The following KRTAP9-1 variants were observed in gnomAD, a reference collection of about 807,000 sequenced individuals.
KRTAP9-1 encodes the protein keratin-associated protein 9-1.
Under a neutral mutation model 18.4 loss-of-function variants are expected in KRTAP9-1, and 13 were observed. The ratio of observed to expected loss-of-function variants is 0.71; its 90% confidence interval spans 0.46 to 1.12. The LOEUF is 1.12. Ranked by LOEUF, KRTAP9-1 falls within the 50% of genes most tolerant of loss-of-function variation. The pLI is 0.00. For missense variants in KRTAP9-1, 310 were observed against 310.6 expected (o/e 1.00, Z 0.01); for synonymous variants, 122 against 108.8 (o/e 1.12, Z -0.75).
rs533254504 is a variant in KRTAP9-1, at chr17:41,190,249, G to T, written c.363G>T (p.Pro121=). The change falls in exon 1 of 1, where the codon CCG becomes CCT. Residue 121 remains proline (P), a synonymous_variant. Transcript: ENST00000398470. ...GTTGCTGTCAGCCTTGCTGTCACCC[G>T]ACTTGCTATCAAACTATCTGCTTCA... ...GSSCCQPCCH[P]TCYQTICFRT... 1 of 1,307,068 alleles carries T rather than the reference G, an allele frequency of 7.7e-7. No homozygotes were observed. 81.0% of individuals were successfully genotyped at this position (1,307,068 alleles called of 1,614,324 possible).
chr17:41,190,492 C>G lies in KRTAP9-1; in HGVS notation c.606C>G (p.Ser202Arg). ...QPTCGGSSCC[S>R]QTCNESSYCL... is the part of the protein sequence containing the mutation. ...CCTGTGGTGGGTCCAGCTGCTGTAG[C>G]CAAACCTGCAATGAGTCCAGCTATT... Residue 202 changes from serine to arginine, a missense_variant, in exon 1 of 1, where the codon AGC (serine) becomes AGG (arginine). Physicochemically the swap from Ser to Arg is moderately radical, Grantham distance 110 (BLOSUM62 -1). Around this residue, in one of 3 missense-constraint regions of KRTAP9-1, gnomAD observed 130 missense variants for 103.4 expected, o/e 1.26. Coordinates refer to ENST00000398470, the MANE Select transcript of KRTAP9-1 (RefSeq NM_001190460.1). 6.2e-7 allele frequency: 1 copy of G among 1,604,040 alleles called. No individual in the cohort carries two copies. Among genetic ancestry groups the G allele is most frequent in the Non-Finnish European group, 8.5e-7 (1 of 1,175,068 alleles).
chr17:41,189,922 A>ATGCTGCAGGACCACC lies in KRTAP9-1; in HGVS notation c.48_62dup (p.Cys19_Cys23dup), dbSNP rs771257360. 2 of 1,612,202 alleles carry ATGCTGCAGGACCACC rather than the reference A, an allele frequency of 1.2e-6. No individual in the cohort carries two copies. The highest frequency in any genetic ancestry group is 2.7e-5 in the African/African-American group (2 of 74,922). On this transcript the variant is annotated inframe_insertion, in exon 1 of 1. Coordinates refer to ENST00000398470, the MANE Select transcript of KRTAP9-1 (RefSeq NM_001190460.1). ...GCTGTTCCCCTTGCTGTCAGCCTAC[A>ATGCTGCAGGACCACC]TGCTGCAGGACCACCTGCTGCAGGA... is the stretch of plus-strand genomic sequence containing the variant.
chr17:41,190,581 C>T lies in KRTAP9-1; in HGVS notation c.695C>T (p.Pro232Leu), dbSNP rs759033003. The T allele has an allele frequency of 2.4e-5, 39 of 1,609,118 alleles. No homozygotes were observed. The highest frequency in any genetic ancestry group is 3.2e-5 in the Non-Finnish European group (38 of 1,177,678). ...TTCYRTTCCRPSCCCSPCCVS... is the reference protein window; with the variant it reads ...TTCYRTTCCRLSCCCSPCCVS... ...TGCTACAGGACCACCTGTTGCCGCC[C>T]CAGCTGTTGCTGCAGTCCTTGCTGT... is the stretch of plus-strand genomic sequence containing the variant. The change falls in exon 1 of 1, where the codon CCC becomes CTC. Residue 232 changes from proline to leucine, a missense_variant. Transcript: ENST00000398470.
chr17:41,190,189 T>C lies in KRTAP9-1; in HGVS notation c.303T>C (p.Cys101=). 6.6e-7 allele frequency: 1 copy of C among 1,525,224 alleles called. No homozygotes were observed. The highest frequency in any genetic ancestry group is 8.8e-7 in the Non-Finnish European group (1 of 1,134,746). The allele number at this position is 1,525,224 out of a possible 1,614,324, so 94.5% of individuals were successfully genotyped here. A position where few individuals can be genotyped will look rare whatever the true frequency, so the allele number is the denominator to read the frequency against. The change falls in exon 1 of 1, where the codon TGT becomes TGC. Residue 101 remains cysteine, a synonymous_variant. Transcript: ENST00000398470. ...CCAGCTGCTGTGGCCAAACCAGCTG[T>C]GGGTCCAGCTGCTGTCAGCCTATTT... The part of the protein sequence containing the change: ...CGSSCCGQTS[C]GSSCCQPICG...
rs776741451 is a variant in KRTAP9-1 at position 41,189,946 on chromosome 17, G to C, written c.60G>C (p.Arg20Ser). Residue 20 changes from arginine (R) to serine (S), a missense_variant, in exon 1 of 1, where the codon AGG (arginine) becomes AGC (serine). Arg to Ser is a moderately radical substitution (Grantham distance 110). This residue lies in a region of KRTAP9-1 where 178 missense variants were observed against 190.2 expected (regional missense o/e 0.94). Transcript: ENST00000398470. ...QPTCCRTTCC[R>S]TTCWKPTTVT... is the part of the protein sequence containing the mutation. The stretch of plus-strand genomic sequence containing the variant: ...CATGCTGCAGGACCACCTGCTGCAG[G>C]ACAACCTGCTGGAAGCCCACCACTG... 5.6e-6 allele frequency: 9 copies of C among 1,612,664 alleles called. No individual in the cohort carries two copies. The highest frequency in any genetic ancestry group is 7.6e-6 in the Non-Finnish European group (9 of 1,179,978).
rs2015332836 is a variant in KRTAP9-1, at chr17:41,190,196, A to G, written c.310A>G (p.Ser104Gly). 6.5e-7 allele frequency: 1 copy of G among 1,527,610 alleles called. No individual in the cohort carries two copies. The allele number at this position is 1,527,610 out of a possible 1,614,324, so 94.6% of individuals were successfully genotyped here. A position where few individuals can be genotyped will look rare whatever the true frequency, so the allele number is the denominator to read the frequency against. The change falls in exon 1 of 1, where the codon AGC becomes GGC. Residue 104 changes from serine (S) to glycine (G), a missense_variant. By Grantham distance (56) the Ser-to-Gly change is moderately conservative. Coordinates refer to ENST00000398470, the MANE Select transcript of KRTAP9-1 (RefSeq NM_001190460.1). ...SCCGQTSCGSSCCQPICGSSC... is the reference protein window; with the variant it reads ...SCCGQTSCGSGCCQPICGSSC... Reference sequence around the variant, plus strand: ...CTGTGGCCAAACCAGCTGTGGGTCCAGCTGCTGTCAGCCTATTTGTGGGTC... The same window carrying G: ...CTGTGGCCAAACCAGCTGTGGGTCCGGCTGCTGTCAGCCTATTTGTGGGTC...
In KRTAP9-1 at chr17:41,190,589, T is replaced by C; in HGVS notation, c.703T>C (p.Cys235Arg). Residue 235 changes from cysteine to arginine, a missense_variant, in exon 1 of 1, where the codon TGC (cysteine) becomes CGC (arginine). By Grantham distance (180) the Cys-to-Arg change is radical. Transcript: ENST00000398470. Reference sequence around the variant, plus strand: ...GACCACCTGTTGCCGCCCCAGCTGTTGCTGCAGTCCTTGCTGTGTCTCCAG... The same window carrying C: ...GACCACCTGTTGCCGCCCCAGCTGTCGCTGCAGTCCTTGCTGTGTCTCCAG... Reference protein sequence around the residue: ...YRTTCCRPSCCCSPCCVSSCC... With the variant: ...YRTTCCRPSCRCSPCCVSSCC... The C allele has an allele frequency of 1.2e-6, 2 of 1,608,460 alleles. No homozygotes were observed. The highest frequency in any genetic ancestry group is 2.7e-5 in the African/African-American group (2 of 74,972).
In KRTAP9-1 at chr17:41,190,264, TATCTGCTTCAGGACC is replaced by T. The variant is rs766444093; in HGVS notation, c.380_394del (p.Ile127_Thr131del). Reference sequence around the variant, plus strand: ...GCTGTCACCCGACTTGCTATCAAACTATCTGCTTCAGGACCACCTGCTGCCAGCCTACCTGCTGCC... The same window carrying T: ...GCTGTCACCCGACTTGCTATCAAACTACCTGCTGCCAGCCTACCTGCTGCC... On this transcript the variant is annotated inframe_deletion, in exon 1 of 1. Transcript: ENST00000398470. The T allele has an allele frequency of 4.8e-6, 6 of 1,248,668 alleles. No homozygotes were observed. The highest frequency in any genetic ancestry group is 1.0e-6 in the Non-Finnish European group (1 of 973,086). The allele number at this position is 1,248,668 out of a possible 1,614,324, so 77.3% of individuals were successfully genotyped here.
Position 41,190,546 on chromosome 17 carries a change from C to T in KRTAP9-1, c.660C>T (p.Cys220=), listed in dbSNP as rs779277480. 6.2e-7 allele frequency: 1 copy of T among 1,611,248 alleles called. No homozygotes were observed. Among genetic ancestry groups the T allele is most frequent in the South Asian group, 1.1e-5 (1 of 90,722 alleles). Reference sequence around the variant, plus strand: ...TGCCTTGCTGCCGTCCCACCTGCTGCCAGACCACCTGCTACAGGACCACCT... The same window carrying T: ...TGCCTTGCTGCCGTCCCACCTGCTGTCAGACCACCTGCTACAGGACCACCT... ...YCLPCCRPTC[C]QTTCYRTTCC... Residue 220 remains cysteine, a synonymous_variant, in exon 1 of 1, where the codon TGC becomes TGT. Transcript: ENST00000398470.
Position 41,190,550 on chromosome 17 carries a change from A to C in KRTAP9-1, c.664A>C (p.Thr222Pro), listed in dbSNP as rs867576204. The change falls in exon 1 of 1, where the codon ACC (threonine) becomes CCC (proline). Residue 222 changes from threonine (T) to proline (P), a missense_variant. By Grantham distance (38) the Thr-to-Pro change is conservative. Transcript: ENST00000398470. Reference protein sequence around the residue: ...LPCCRPTCCQTTCYRTTCCRP... With the variant: ...LPCCRPTCCQPTCYRTTCCRP... ...TTGCTGCCGTCCCACCTGCTGCCAGACCACCTGCTACAGGACCACCTGTTG... is the reference window on the plus strand; with the variant it reads ...TTGCTGCCGTCCCACCTGCTGCCAGCCCACCTGCTACAGGACCACCTGTTG... 1 of 1,609,558 alleles carries C rather than the reference A, an allele frequency of 6.2e-7. No individual in the cohort carries two copies. The highest frequency in any genetic ancestry group is 2.2e-5 in the East Asian group (1 of 44,734).
rs1276531700 is a variant in KRTAP9-1, at chr17:41,190,224, GTTGCTGTCAGCC to G, written c.348_359del (p.Gln116_Cys119del). On this transcript the variant is annotated inframe_deletion, in exon 1 of 1. Transcript: ENST00000398470. The stretch of plus-strand genomic sequence containing the variant: ...TGCTGTCAGCCTATTTGTGGGTCCA[GTTGCTGTCAGCC>G]TTGCTGTCACCCGACTTGCTATCAA... 29 of 1,428,554 alleles carry G rather than the reference GTTGCTGTCAGCC, an allele frequency of 2.0e-5. No individual in the cohort carries two copies. The highest frequency in any genetic ancestry group is 2.1e-5 in the Non-Finnish European group (23 of 1,088,748). The allele number at this position is 1,428,554 out of a possible 1,614,324, so 88.5% of individuals were successfully genotyped here.
At position 41,190,337 on chromosome 17, in the gene KRTAP9-1, C is replaced by A. The variant is rs745912876; in HGVS notation, c.451C>A (p.Pro151Thr). 5.6e-6 allele frequency: 8 copies of A among 1,416,058 alleles called. No homozygotes were observed. In the Admixed American group the frequency reaches 1.7e-4, roughly 30 times the overall value. 87.7% of individuals were successfully genotyped at this position (1,416,058 alleles called of 1,614,324 possible). ...PTCCRNTSCQ[P>T]TCCGSSCCQP... is the part of the protein sequence containing the mutation. ...CTGCTGCAGGAACACCTCTTGCCAG[C>A]CCACCTGCTGTGGGTCCAGCTGCTG... The change falls in exon 1 of 1, where the codon CCC becomes ACC. Residue 151 changes from proline to threonine, a missense_variant. By Grantham distance (38) the Pro-to-Thr change is conservative (BLOSUM62 -1). Coordinates refer to ENST00000398470, the MANE Select transcript of KRTAP9-1 (RefSeq NM_001190460.1).
Position 41,190,043 on chromosome 17 carries a change from C to G in KRTAP9-1, c.157C>G (p.His53Asp). The change falls in exon 1 of 1, where the codon CAC becomes GAC. Residue 53 changes from histidine (H) to aspartate (D), a missense_variant. His to Asp is a moderately conservative substitution (Grantham distance 81, BLOSUM62 -1). Transcript: ENST00000398470. ...CVPSCCQPCC[H>D]PTCCQNTCCR... Reference sequence around the variant, plus strand: ...GCCCAGCTGCTGCCAGCCTTGCTGCCACCCAACTTGCTGTCAAAACACCTG... The same window carrying G: ...GCCCAGCTGCTGCCAGCCTTGCTGCGACCCAACTTGCTGTCAAAACACCTG... The G allele has an allele frequency of 6.2e-7, 1 of 1,611,848 alleles. No homozygotes were observed.
At position 41,190,136 on chromosome 17, in the gene KRTAP9-1, C is replaced by A. The variant is rs559139055; in HGVS notation, c.250C>A (p.Pro84Thr). The change falls in exon 1 of 1, where the codon CCC becomes ACC. Residue 84 changes from proline to threonine, a missense_variant. Physicochemically the swap from Pro to Thr is conservative, Grantham distance 38. Around this residue, in one of 3 missense-constraint regions of KRTAP9-1, gnomAD observed 178 missense variants for 190.2 expected, o/e 0.94. Transcript: ENST00000398470. ...SCCQPSCCST[P>T]CCQPTCCGSS... Reference sequence around the variant, plus strand: ...CTGCCAGCCTTCCTGCTGCAGCACACCCTGCTGCCAGCCCACCTGCTGTGG... The same window carrying A: ...CTGCCAGCCTTCCTGCTGCAGCACAACCTGCTGCCAGCCCACCTGCTGTGG... The A allele has an allele frequency of 1.3e-5, 21 of 1,577,778 alleles. No individual in the cohort carries two copies. The East Asian group carries it at 4.9e-4, about 37-fold the overall frequency.
At position 41,190,164 on chromosome 17, in the gene KRTAP9-1, C is replaced by T. The variant is rs1410316311; in HGVS notation, c.278C>T (p.Ser93Phe). 1.4e-5 allele frequency: 21 copies of T among 1,554,276 alleles called. No homozygotes were observed. The highest frequency in any genetic ancestry group is 1.8e-5 in the Non-Finnish European group (21 of 1,149,932). ...TPCCQPTCCG[S>F]SCCGQTSCGS... ...TGCTGCCAGCCCACCTGCTGTGGGT[C>T]CAGCTGCTGTGGCCAAACCAGCTGT... Residue 93 changes from serine (S) to phenylalanine (F), a missense_variant, in exon 1 of 1, where the codon TCC (serine) becomes TTC (phenylalanine). Ser to Phe is a radical substitution (Grantham distance 155). Around this residue, in one of 3 missense-constraint regions of KRTAP9-1, gnomAD observed 178 missense variants for 190.2 expected, o/e 0.94. Transcript: ENST00000398470.
rs2015343404 is a variant in KRTAP9-1, at chr17:41,190,549, G to T, written c.663G>T (p.Gln221His). Reference protein sequence around the residue: ...CLPCCRPTCCQTTCYRTTCCR... With the variant: ...CLPCCRPTCCHTTCYRTTCCR... ...CTTGCTGCCGTCCCACCTGCTGCCA[G>T]ACCACCTGCTACAGGACCACCTGTT... The change falls in exon 1 of 1, where the codon CAG (glutamine) becomes CAT (histidine). Residue 221 changes from glutamine (Q) to histidine (H), a missense_variant. This residue lies in a region of KRTAP9-1 where 130 missense variants were observed against 103.4 expected (regional missense o/e 1.26). Coordinates refer to ENST00000398470, the MANE Select transcript of KRTAP9-1 (RefSeq NM_001190460.1). The T allele has an allele frequency of 6.2e-7, 1 of 1,610,706 alleles. No homozygotes were observed. Among genetic ancestry groups the T allele is most frequent in the East Asian group, 2.2e-5 (1 of 44,770 alleles).
Position 41,190,248 on chromosome 17 carries a change from C to T in KRTAP9-1, c.362C>T (p.Pro121Leu), listed in dbSNP as rs770941967. 2.3e-5 allele frequency: 32 copies of T among 1,380,116 alleles called. No homozygotes were observed. The highest frequency in any genetic ancestry group is 1.2e-4 in the East Asian group (4 of 33,174). 85.5% of individuals were successfully genotyped at this position (1,380,116 alleles called of 1,614,324 possible). ...GSSCCQPCCHPTCYQTICFRT... is the reference protein window; with the variant it reads ...GSSCCQPCCHLTCYQTICFRT... Reference sequence around the variant, plus strand: ...AGTTGCTGTCAGCCTTGCTGTCACCCGACTTGCTATCAAACTATCTGCTTC... The same window carrying T: ...AGTTGCTGTCAGCCTTGCTGTCACCTGACTTGCTATCAAACTATCTGCTTC... The change falls in exon 1 of 1, where the codon CCG becomes CTG. Residue 121 changes from proline to leucine, a missense_variant. This residue lies in a region of KRTAP9-1 where 178 missense variants were observed against 190.2 expected (regional missense o/e 0.94). Coordinates refer to ENST00000398470, the MANE Select transcript of KRTAP9-1 (RefSeq NM_001190460.1).
chr17:41,190,338 C>T lies in KRTAP9-1; in HGVS notation c.452C>T (p.Pro151Leu). Residue 151 changes from proline (P) to leucine (L), a missense_variant, in exon 1 of 1, where the codon CCC becomes CTC. By Grantham distance (98) the Pro-to-Leu change is moderately conservative. Transcript: ENST00000398470. The part of the protein sequence containing the change: ...PTCCRNTSCQ[P>L]TCCGSSCCQP... ...TGCTGCAGGAACACCTCTTGCCAGC[C>T]CACCTGCTGTGGGTCCAGCTGCTGC... 2 of 1,270,712 alleles carry T rather than the reference C, an allele frequency of 1.6e-6. No homozygotes were observed. The highest frequency in any genetic ancestry group is 2.0e-6 in the Non-Finnish European group (2 of 987,454). 78.7% of individuals were successfully genotyped at this position (1,270,712 alleles called of 1,614,324 possible).
chr17:41,190,219 G>A lies in KRTAP9-1; in HGVS notation c.333G>A (p.Gly111=). 7.0e-7 allele frequency: 1 copy of A among 1,422,208 alleles called. No individual in the cohort carries two copies. The highest frequency in any genetic ancestry group is 9.2e-7 in the Non-Finnish European group (1 of 1,085,196). 88.1% of individuals were successfully genotyped at this position (1,422,208 alleles called of 1,614,324 possible). A position where few individuals can be genotyped will look rare whatever the true frequency, so the allele number is the denominator to read the frequency against. ...CCAGCTGCTGTCAGCCTATTTGTGGGTCCAGTTGCTGTCAGCCTTGCTGTC... is the reference window on the plus strand; with the variant it reads ...CCAGCTGCTGTCAGCCTATTTGTGGATCCAGTTGCTGTCAGCCTTGCTGTC... ...CGSSCCQPIC[G]SSCCQPCCHP... Residue 111 remains glycine, a synonymous_variant, in exon 1 of 1, where the codon GGG becomes GGA. Transcript: ENST00000398470.
Sources: gnomAD v4.1 joint callset for allele counts on GRCh38, gnomAD v4.1.1 for gene constraint, gnomAD v4.1.1 regional missense constraint, MANE v1.5 for transcripts, NCBI Gene and HGNC (gene_info 2026-07-23, HGNC 2026-07-21) for gene names.